HIVEP3: variants seen among roughly 807,000 people sequenced by gnomAD.
The protein encoded by HIVEP3 is HIVEP zinc finger 3.
In HIVEP3, 49 loss-of-function variants were observed where a neutral mutation model predicts 152.8. That is an observed-to-expected ratio of 0.32 (90% CI 0.26 to 0.41). The LOEUF is 0.41. Among genes scored for constraint, HIVEP3 ranks in the 10% least tolerant of loss-of-function variants. The pLI is 1.00. For synonymous variants in HIVEP3, 1,269 were observed against 1,289.0 expected (o/e 0.98, Z 0.33); for missense variants, 2,790 against 3,103.3 (o/e 0.90, Z 2.40).
At chr1:41,652,034 T>A (rs1054809277) in intron 2 of HIVEP3, among the ~76,000 whole-genome samples, 1 of 152,202 alleles carries the variant, frequency 6.6e-6, no homozygotes, top group Non-Finnish European at 1.5e-5. Flanking sequence ...CTCTTCTGGG[T>A]TCCTGACAAA....
In HIVEP3 at chr1:41,662,565, C is replaced by T. The variant is rs1172595828; in HGVS notation, c.-720-33618G>A. ...CCCGGGATGCCTTCGCGGCCGGGGTCGCAGATGGGCCCGGGCGCGGCTGGC... is the reference window on the plus strand; with the variant it reads ...CCCGGGATGCCTTCGCGGCCGGGGTTGCAGATGGGCCCGGGCGCGGCTGGC... On this transcript the variant is annotated intron_variant, in intron 2 of 8. Coordinates refer to ENST00000372583, the MANE Select transcript of HIVEP3 (RefSeq NM_024503.5). The surrounding 1 kb of genome is among the most constrained non-coding windows in gnomAD (Gnocchi z 7.2). Among the ~76,000 whole-genome samples the T allele has an allele frequency of 1.1e-4, 17 of 150,900 alleles. No individual in the cohort carries two copies. The highest frequency in any genetic ancestry group is 4.4e-5 in the Non-Finnish European group (3 of 67,530).
Position 41,580,788 on chromosome 1 carries a change from G to A in HIVEP3, c.4010C>T (p.Thr1337Ile). 3 of 1,578,972 alleles carry A rather than the reference G, an allele frequency of 1.9e-6. No individual in the cohort carries two copies. Among genetic ancestry groups the A allele is most frequent in the Non-Finnish European group, 2.6e-6 (3 of 1,162,874 alleles). Residue 1337 changes from threonine to isoleucine, a missense_variant, in exon 4 of 9, where the codon ACC becomes ATC. By Grantham distance (89) the Thr-to-Ile change is moderately conservative (BLOSUM62 -1). This residue lies in a region of HIVEP3 where 1,078 missense variants were observed against 1,165.3 expected (regional missense o/e 0.93). Transcript: ENST00000372583. ...CTGGGTGACCAAGATCTGGGAAAGG[G>A]TGGTGTACATTGCGCTCCCATAGGA... is the stretch of plus-strand genomic sequence containing the variant. Reference protein sequence around the residue: ...MPSYGSAMYTTLSQILVTQSQ... With the variant: ...MPSYGSAMYTILSQILVTQSQ...
At chr1:41,526,602 CCTGCTCCCACCCCCACCT>C in intron 5 of HIVEP3, among the ~76,000 whole-genome samples, 1 of 121,818 alleles carries the variant, frequency 8.2e-6, no homozygotes. Flanking sequence ...CACCCTTACA[CCTGCTCCCACCCCCACCT>C]TCACCCTCAC....
intron 1 of HIVEP3, among the ~76,000 whole-genome samples, chr1:41,795,289 T>C (rs1458619296): frequency 1.3e-5 from 2 of 152,228 alleles, no homozygotes; most frequent in African/African-American, 4.8e-5. Context: ...TTTTGTATGA[T>C]GTCCCTCAAT....
chr1:41,916,898 C>T (rs1298945061), intron 1 of HIVEP3, among the ~76,000 whole-genome samples: 2 of 152,132 alleles, frequency 1.3e-5, no homozygotes, highest in Non-Finnish European at 2.9e-5. Flanking sequence ...GTCCAACTGT[C>T]TCCAGGGTGC....
Position 41,965,563 on chromosome 1 carries a change from G to A in HIVEP3, n.120-47039C>T, listed in dbSNP as rs537328299. ...GACCTGATGGAGCTGAAAAACACAT[G>A]AGAACTTCACAATGCAACCACAAGT... On this transcript the variant is annotated intron_variant and non_coding_transcript_variant, in intron 1 of 3. Coordinates refer to the HIVEP3 transcript ENST00000489103. Among the ~76,000 whole-genome samples, 61 of 152,326 alleles carry A rather than the reference G, an allele frequency of 4.0e-4. 1 individual carries two copies. The highest frequency in any genetic ancestry group is 1.4e-3 in the African/African-American group (60 of 41,592).
At chr1:41,545,683 CCAT>C (rs1472845700) in intron 5 of HIVEP3, among the ~76,000 whole-genome samples, 4 of 20,792 alleles carry the variant, frequency 1.9e-4, no homozygotes, top group East Asian at 1.9e-3. Context: ...ACCACCACCA[CCAT>C]CACCACCATC....
chr1:41,577,327 A>G (rs1467281253), intron 4 of HIVEP3, among the ~76,000 whole-genome samples: 2 of 152,206 alleles, frequency 1.3e-5, no homozygotes, highest in Non-Finnish European at 2.9e-5. Flanking sequence ...GCTAAGTGTT[A>G]TTATTATCCC....
rs1480486022 is a variant in HIVEP3, at chr1:41,592,285, A to G, written c.-521-6967T>C. 2.6e-5 allele frequency among the ~76,000 whole-genome samples: 4 copies of G among 152,176 alleles called. No homozygotes were observed. In the East Asian group the frequency reaches 7.7e-4, roughly 29 times the overall value. The stretch of plus-strand genomic sequence containing the variant: ...ACAGGTCTACTGTGTGACCCTAGGT[A>G]AGGCACTTTCCTCTCTGGGCCTCAG... On this transcript the variant is annotated intron_variant, in intron 3 of 8. Transcript: ENST00000372583.
intron 1 of HIVEP3, among the ~76,000 whole-genome samples, chr1:41,708,675 T>C (rs941063910): frequency 6.6e-6 from 1 of 152,220 alleles, no homozygotes; most frequent in South Asian, 2.1e-4. Flanking sequence ...TTGCTTAAGT[T>C]ATCTCAAGTC....
At chr1:41,772,435 A>T (rs1648434697) in intron 1 of HIVEP3, among the ~76,000 whole-genome samples, 1 of 152,136 alleles carries the variant, frequency 6.6e-6, no homozygotes, top group African/African-American at 2.4e-5. Flanking sequence ...AATGCATCAG[A>T]GCTCTCAAAG....
Position 41,662,560 on chromosome 1 carries a change from G to C in HIVEP3, c.-720-33613C>G, listed in dbSNP as rs1487532572. ...GCCACCCCGGGATGCCTTCGCGGCC[G>C]GGGTCGCAGATGGGCCCGGGCGCGG... is the stretch of plus-strand genomic sequence containing the variant. On this transcript the variant is annotated intron_variant, in intron 2 of 8. Transcript: ENST00000372583. The surrounding 1 kb of genome is among the most constrained non-coding windows in gnomAD (Gnocchi z 7.2). 3.3e-5 allele frequency among the ~76,000 whole-genome samples: 5 copies of C among 150,742 alleles called. No homozygotes were observed. Among genetic ancestry groups the C allele is most frequent in the Admixed American group, 2.0e-4 (3 of 15,194 alleles).
intron 1 of HIVEP3, among the ~76,000 whole-genome samples, chr1:41,862,189 G>A (rs543427968): frequency 1.3e-5 from 2 of 152,194 alleles, no homozygotes. Context: ...TCAAAGGGGA[G>A]TTAACAAGTT....
At chr1:41,620,221 C>T (rs72953358) in intron 3 of HIVEP3, among the ~76,000 whole-genome samples, 10,134 of 152,242 alleles carry the variant, frequency 0.067, 899 homozygotes, top group East Asian at 0.41. Context: ...GTCCAGTTTC[C>T]ACTCGCTTTC....
chr1:41,717,300 C>T (rs933147871), intron 1 of HIVEP3, among the ~76,000 whole-genome samples: 1 of 152,186 alleles, frequency 6.6e-6, no homozygotes, highest in African/African-American at 2.4e-5. Flanking sequence ...TTGTGTCAGG[C>T]GCTATTCTAG....
In HIVEP3 at chr1:41,839,031, A is replaced by T. The variant is rs1201390802; in HGVS notation, c.-801+79382T>A. ...GTCAGGGGGTTGGGGGTCCAGGAATAGATCCTCAAAATCTTCCAATTGACA... is the reference window on the plus strand; with the variant it reads ...GTCAGGGGGTTGGGGGTCCAGGAATTGATCCTCAAAATCTTCCAATTGACA... On this transcript the variant is annotated intron_variant, in intron 1 of 8. Transcript: ENST00000372583. 3.3e-5 allele frequency among the ~76,000 whole-genome samples: 5 copies of T among 152,312 alleles called. No homozygotes were observed. The South Asian group carries it at 8.3e-4, about 25-fold the overall frequency.
intron 5 of HIVEP3, among the ~76,000 whole-genome samples, chr1:41,568,426 A>G (rs1644201976): frequency 6.6e-6 from 1 of 152,268 alleles, no homozygotes; most frequent in Non-Finnish European, 1.5e-5. Flanking sequence ...GGCGAGAGCC[A>G]TAGGCAGAGG....
intron 6 of HIVEP3, 128 bp from the exon 7 acceptor site, chr1:41,518,616 C>CAG: frequency 1.2e-6 from 1 of 817,256 alleles, no homozygotes; most frequent in Non-Finnish European, 2.1e-6. Context: ...CTGCCAGCTG[C>CAG]AGGGCTGGGC....
At chr1:41,938,810 C>A (rs1310708920) in intron 1 of HIVEP3, among the ~76,000 whole-genome samples, 1 of 152,176 alleles carries the variant, frequency 6.6e-6, no homozygotes, top group African/African-American at 2.4e-5. Flanking sequence ...GAATCTGAGT[C>A]CTACTCTAGG....
Sources: allele counts gnomAD v4.1 joint callset (sites outside exome capture counted in the v4.1 genomes callset), GRCh38; gene constraint gnomAD v4.1.1; regional missense constraint gnomAD v4.1.1; non-coding constraint Gnocchi (gnomAD v3.1); transcripts MANE v1.5; gene names NCBI Gene and HGNC (gene_info 2026-07-23, HGNC 2026-07-21).